KMT2C: variants seen among roughly 807,000 people sequenced by gnomAD.
KMT2C encodes the protein histone-lysine N-methyltransferase 2C.
In KMT2C, 88 loss-of-function variants were observed where a neutral mutation model predicts 507.9. The ratio of observed to expected loss-of-function variants is 0.17; its 90% CI spans 0.15 to 0.21. The LOEUF (loss-of-function observed/expected upper bound fraction) is 0.21, where lower values mean the gene tolerates loss of function less well. KMT2C is among the 10% of genes least tolerant of loss of function. The pLI is 1.00. For missense variants in KMT2C, 4,954 were observed against 5,957.8 expected (o/e 0.83, Z 5.55); for synonymous variants, 2,049 against 2,080.8 (o/e 0.98, Z 0.42).
At position 152,154,300 on chromosome 7, in the gene KMT2C, T is replaced by C. The variant is rs2091883928; in HGVS notation, c.12106A>G (p.Ile4036Val). 2.5e-6 allele frequency: 4 copies of C among 1,614,196 alleles called. No individual in the cohort carries two copies. The highest frequency in any genetic ancestry group is 2.5e-6 in the Non-Finnish European group (3 of 1,180,026). Residue 4036 changes from isoleucine (I) to valine (V), a missense_variant, in exon 47 of 59, where the codon ATC (isoleucine) becomes GTC (valine). Physicochemically the swap from Ile to Val is conservative, Grantham distance 29. Around this residue, in one of 29 missense-constraint regions of KMT2C, gnomAD observed 417 missense variants for 461.1 expected, o/e 0.90. Coordinates refer to ENST00000262189, the MANE Select transcript of KMT2C (RefSeq NM_170606.3). ...GCAGTGCTAGGAAGAATTGGAATGA[T>C]GGGGGACGGCACCGGTTCTGGAGGC... Reference protein sequence around the residue: ...EEPPEPVPSPIIPILPSTAGK... With the variant: ...EEPPEPVPSPVIPILPSTAGK...
At chr7:152,410,463 A>G (rs1357781536) in intron 1 of KMT2C, among the ~76,000 whole-genome samples, 1 of 151,914 alleles carries the variant, frequency 6.6e-6, no homozygotes, top group Non-Finnish European at 1.5e-5. Context: ...CTGTAATCCC[A>G]GCTACTCAGG....
chr7:152,337,919 C>T (rs989888047), intron 2 of KMT2C, among the ~76,000 whole-genome samples: 8 of 151,524 alleles, frequency 5.3e-5, no homozygotes, highest in Admixed American at 2.6e-4. Context: ...TGCAGTGGCG[C>T]GATCTCAGCT....
chr7:152,306,402 C>T (rs949827835), intron 6 of KMT2C, among the ~76,000 whole-genome samples: 1 of 152,150 alleles, frequency 6.6e-6, no homozygotes, highest in African/African-American at 2.4e-5. Context: ...ATCTCCACTC[C>T]CTTCTTCTCC....
At position 152,156,072 on chromosome 7, in the gene KMT2C, A is replaced by T; in HGVS notation, c.11813-15T>A. 1 of 1,595,840 alleles carries T rather than the reference A, an allele frequency of 6.3e-7. No individual in the cohort carries two copies. The highest frequency in any genetic ancestry group is 8.5e-7 in the Non-Finnish European group (1 of 1,173,104). On this transcript the variant is annotated splice_polypyrimidine_tract_variant and intron_variant, in intron 45 of 58. Coordinates refer to ENST00000262189, the MANE Select transcript of KMT2C (RefSeq NM_170606.3). ...AGTTTTGGTAACTGGAAAAGCAAAA[A>T]CACAAAACCATAAATACATTCAGTC...
intron 6 of KMT2C, among the ~76,000 whole-genome samples, chr7:152,296,200 G>A (rs1468604374): frequency 6.6e-6 from 1 of 151,568 alleles, no homozygotes. Context: ...AGGCTGAGGC[G>A]GGCGGGTCAC....
At chr7:152,276,918 T>G (rs1405066330) in intron 6 of KMT2C, among the ~76,000 whole-genome samples, 2 of 152,250 alleles carry the variant, frequency 1.3e-5, no homozygotes, top group African/African-American at 4.8e-5. Flanking sequence ...AATAATATTT[T>G]CCCATATTAA....
At position 152,180,727 on chromosome 7, in the gene KMT2C, G is replaced by C. The variant is rs762356843; in HGVS notation, c.7133C>G (p.Thr2378Arg). ...TGTGTTTACCTGTCTCAATTTCTCT[G>C]TATCTGCTTGGGCCATATTTACAGT... ...QNTVNMAQAD[T>R]EKLRQRQKLR... Residue 2378 changes from threonine (T) to arginine (R), a missense_variant, in exon 36 of 59, where the codon ACA (threonine) becomes AGA (arginine). Coordinates refer to ENST00000262189, the MANE Select transcript of KMT2C (RefSeq NM_170606.3). 69 of 1,611,812 alleles carry C rather than the reference G, an allele frequency of 4.3e-5. No homozygotes were observed. The highest frequency in any genetic ancestry group is 5.3e-5 in the Non-Finnish European group (63 of 1,178,794).
chr7:152,200,101 T>C (rs185940196), intron 26 of KMT2C, among the ~76,000 whole-genome samples: 6 of 152,306 alleles, frequency 3.9e-5, no homozygotes, highest in Admixed American at 2.0e-4. Context: ...TTCCACCCCT[T>C]TACCCTGCTT....
intron 6 of KMT2C, among the ~76,000 whole-genome samples, chr7:152,309,601 C>T (rs1459748530): frequency 1.3e-5 from 2 of 148,658 alleles, no homozygotes; most frequent in African/African-American, 5.0e-5. Flanking sequence ...CTACGGGCAA[C>T]CTCCACCTCC....
At chr7:152,211,961 T>C (rs1454432620) in intron 23 of KMT2C, among the ~76,000 whole-genome samples, 2 of 152,026 alleles carry the variant, frequency 1.3e-5, no homozygotes, top group African/African-American at 4.8e-5. Flanking sequence ...GGCAAGAGAA[T>C]GGCACGAACC....
At chr7:152,417,332 G>A (rs951093756) in intron 1 of KMT2C, among the ~76,000 whole-genome samples, 3 of 152,024 alleles carry the variant, frequency 2.0e-5, no homozygotes, top group African/African-American at 7.2e-5. Flanking sequence ...TGGTCAGGCT[G>A]GTCTCGAACT....
Position 152,182,617 on chromosome 7 carries a change from G to C in KMT2C, c.5266-23C>G, listed in dbSNP as rs543878733. On this transcript the variant is annotated intron_variant, in intron 35 of 58. Coordinates refer to ENST00000262189, the MANE Select transcript of KMT2C (RefSeq NM_170606.3). ...TTGCTATTAAAATAGAAAAGAAAAAGCAATCATATTTAGGTTAAGGAAGAA... is the reference window on the plus strand; with the variant it reads ...TTGCTATTAAAATAGAAAAGAAAAACCAATCATATTTAGGTTAAGGAAGAA... The C allele has an allele frequency of 3.9e-6, 6 of 1,523,040 alleles. No individual in the cohort carries two copies. The Admixed American group carries it at 6.6e-5, about 17-fold the overall frequency. 94.3% of individuals were successfully genotyped at this position (1,523,040 alleles called of 1,614,324 possible).
chr7:152,148,831 T>C lies in KMT2C; in HGVS notation c.13096A>G (p.Ile4366Val). ...GGTGGTTTAAATGTCCCCTTAGGGA[T>C]TACAATATGAATGCTCCACTTCTTC... ...KWKKWSIHIV[I>V]PKGTFKPPCE... The change falls in exon 52 of 59, where the codon ATC (isoleucine) becomes GTC (valine). Residue 4366 changes from isoleucine to valine, a missense_variant. Physicochemically the swap from Ile to Val is conservative, Grantham distance 29. Transcript: ENST00000262189. This position sits in a 1 kb window ranked among gnomAD's most constrained non-coding sequence, Gnocchi z 7.1. The C allele has an allele frequency of 6.2e-7, 1 of 1,614,232 alleles. No individual in the cohort carries two copies. The highest frequency in any genetic ancestry group is 1.1e-5 in the South Asian group (1 of 91,086).
At chr7:152,307,190 A>AGAGGGAGGGAGG (rs1290726221) in intron 6 of KMT2C, among the ~76,000 whole-genome samples, 1 of 98,232 alleles carries the variant, frequency 1.0e-5, no homozygotes, top group Non-Finnish European at 2.1e-5. Flanking sequence ...GAAGGAAAGA[A>AGAGGGAGGGAGG]GAGGGAGGAA....
At chr7:152,412,450 T>C (rs1484404968) in intron 1 of KMT2C, among the ~76,000 whole-genome samples, 1 of 152,194 alleles carries the variant, frequency 6.6e-6, no homozygotes, top group East Asian at 1.9e-4. Flanking sequence ...CTCATATTTA[T>C]AGATGTTTAT....
rs537115741 is a variant in KMT2C at position 152,176,195 on chromosome 7, A to G, written c.9258T>C (p.Asn3086=). The G allele has an allele frequency of 3.8e-6, 6 of 1,593,164 alleles. No individual in the cohort carries two copies. In the South Asian group the frequency reaches 4.5e-5, roughly 12 times the overall value. ...IRQRSEPFFP[N]IDFDAITDPI... ...GAGACTCAAGAAAACTCCTACCAAT[A>G]TTAGGGAAGAACGGTTCTGATCGCT... Residue 3086 remains asparagine, a synonymous_variant, in exon 38 of 59, where the codon AAT becomes AAC. Transcript: ENST00000262189.
intron 6 of KMT2C, among the ~76,000 whole-genome samples, chr7:152,307,266 GAAGGAAGA>G (rs1413635315): frequency 6.0e-5 from 7 of 116,640 alleles, no homozygotes; most frequent in African/African-American, 2.1e-4. Context: ...AGGAAGGAAG[GAAGGAAGA>G]AAGAAAGGAA....
intron 2 of KMT2C, among the ~76,000 whole-genome samples, chr7:152,357,025 C>A (rs922454357): frequency 2.7e-5 from 4 of 149,842 alleles, no homozygotes; most frequent in African/African-American, 9.9e-5. Flanking sequence ...GTCAGGAGTT[C>A]GAGACCAGCC....
chr7:152,138,755 G>T lies in KMT2C; in HGVS notation c.14643+41C>A. On this transcript the variant is annotated intron_variant, in intron 58 of 58. Transcript: ENST00000262189. The surrounding 1 kb of genome is among the most constrained non-coding windows in gnomAD (Gnocchi z 4.2). The stretch of plus-strand genomic sequence containing the variant: ...TGTGAGGAGGGAACTATTCGCCCAG[G>T]ATCTGAACAACATGGCAGATGCAAT... The T allele has an allele frequency of 8.1e-7, 1 of 1,234,398 alleles. No individual in the cohort carries two copies. Among genetic ancestry groups the T allele is most frequent in the Non-Finnish European group, 1.2e-6 (1 of 863,556 alleles). 76.5% of individuals were successfully genotyped at this position (1,234,398 alleles called of 1,614,324 possible).
Sources: allele counts gnomAD v4.1 joint callset (sites outside exome capture counted in the v4.1 genomes callset), GRCh38; gene constraint gnomAD v4.1.1; regional missense constraint gnomAD v4.1.1; non-coding constraint Gnocchi (gnomAD v3.1); transcripts MANE v1.5; gene names NCBI Gene and HGNC (gene_info 2026-07-23, HGNC 2026-07-21).